The following INVS variants were observed in gnomAD, a reference collection of about 807,000 sequenced individuals.
The protein encoded by INVS is inversion of embryo turning homolog.
A neutral mutation model predicts 108.8 loss-of-function variants in INVS; 86 were observed. The observed-to-expected ratio is 0.79, with a 90% CI of 0.66 to 0.95. INVS has a LOEUF of 0.95. INVS is among the 40% of genes least tolerant of loss of function. INVS has a pLI of 0.00. For missense variants in INVS, 1,169 were observed against 1,297.4 expected (o/e 0.90, Z 1.52); for synonymous variants, 455 against 473.5 (o/e 0.96, Z 0.51).
At chr9:100,174,568 G>T (rs1829648870) in intron 3 of INVS, among the ~76,000 whole-genome samples, 2 of 152,084 alleles carry the variant, frequency 1.3e-5, no homozygotes, top group South Asian at 4.1e-4. Context: ...CTTGGTGAAA[G>T]ACATACATTT....
chr9:100,116,936 A>C, intron 2 of INVS: 1 of 1,508,868 alleles, frequency 6.6e-7, no homozygotes. Context: ...GAAGTTGCCC[A>C]GGGTGGCATT....
chr9:100,214,619 G>T (rs1830931371), intron 3 of INVS, among the ~76,000 whole-genome samples: 1 of 152,204 alleles, frequency 6.6e-6, no homozygotes, highest in African/African-American at 2.4e-5. Flanking sequence ...ATAAGGTTGT[G>T]CCAGTCCCTT....
intron 3 of INVS, chr9:100,175,898 G>A: frequency 1.7e-6 from 1 of 595,546 alleles, no homozygotes; most frequent in Non-Finnish European, 3.2e-6. Context: ...CCTGCATGCG[G>A]TTCCAGCAAA....
chr9:100,278,156 G>A (rs1726682657), intron 12 of INVS, among the ~76,000 whole-genome samples: 1 of 150,318 alleles, frequency 6.7e-6, no homozygotes, highest in African/African-American at 2.5e-5. Flanking sequence ...ACTTGAGCCA[G>A]GGAGGTTAAG....
intron 3 of INVS, among the ~76,000 whole-genome samples, chr9:100,165,572 G>T (rs1012783181): frequency 3.6e-4 from 54 of 152,058 alleles, no homozygotes; most frequent in African/African-American, 1.3e-3. Context: ...TAATGAATTG[G>T]TTTCCTGGCA....
chr9:100,239,320 T>A (rs1831791377), intron 5 of INVS, among the ~76,000 whole-genome samples: 1 of 152,186 alleles, frequency 6.6e-6, no homozygotes, highest in Admixed American at 6.5e-5. Context: ...AACATAGATA[T>A]CCAAGGTATA....
At chr9:100,247,037 C>G (rs1832068174) in intron 8 of INVS, among the ~76,000 whole-genome samples, 1 of 151,544 alleles carries the variant, frequency 6.6e-6, no homozygotes, top group Non-Finnish European at 1.5e-5. Flanking sequence ...ACCCTGGTTG[C>G]TCCTTAGACA....
At chr9:100,158,323 A>G (rs1331442638) in intron 3 of INVS, among the ~76,000 whole-genome samples, 2 of 152,214 alleles carry the variant, frequency 1.3e-5, no homozygotes, top group Non-Finnish European at 1.5e-5. Flanking sequence ...AGAAAAAAAT[A>G]TATTTTCATT....
Position 100,246,674 on chromosome 9 carries a change from G to C in INVS, c.965G>C (p.Gly322Ala), listed in dbSNP as rs1220343424. 6.2e-7 allele frequency: 1 copy of C among 1,613,888 alleles called. No individual in the cohort carries two copies. Reference sequence around the variant, plus strand: ...GTGAAAGATGATTCAGACCTGGAAGGAAGAACATCCTTTATGTGGGCAGCT... The same window carrying C: ...GTGAAAGATGATTCAGACCTGGAAGCAAGAACATCCTTTATGTGGGCAGCT... The part of the protein sequence containing the change: ...PSVKDDSDLE[G>A]RTSFMWAAGK... The change falls in exon 8 of 17, where the codon GGA (glycine) becomes GCA (alanine). Residue 322 changes from glycine to alanine, a missense_variant. By Grantham distance (60) the Gly-to-Ala change is moderately conservative. Around this residue, in one of 3 missense-constraint regions of INVS, gnomAD observed 365 missense variants for 397.5 expected, o/e 0.92. Coordinates refer to ENST00000262457, the MANE Select transcript of INVS (RefSeq NM_014425.5).
chr9:100,301,929 T>A lies in INVS; in HGVS notation c.*1255T>A, dbSNP rs1332275015. 2 of 300,736 alleles carry A rather than the reference T, an allele frequency of 6.7e-6. No homozygotes were observed. Among genetic ancestry groups the A allele is most frequent in the African/African-American group, 4.3e-5 (2 of 46,956 alleles). The allele number at this position is 300,736 out of a possible 1,614,324, so 18.6% of individuals were successfully genotyped here. On this transcript the variant is annotated 3_prime_UTR_variant, in exon 17 of 17. Coordinates refer to ENST00000262457, the MANE Select transcript of INVS (RefSeq NM_014425.5). ...AACAGAAGGTACCACAGTATCACTCTCTATTTTGTAAATATTTAGCTCCTA... is the reference window on the plus strand; with the variant it reads ...AACAGAAGGTACCACAGTATCACTCACTATTTTGTAAATATTTAGCTCCTA...
chr9:100,264,944 CTTTT>C lies in INVS; in HGVS notation c.1571+29_1571+32del, dbSNP rs746060368. 7.0e-5 allele frequency: 87 copies of C among 1,241,182 alleles called. No homozygotes were observed. The highest frequency in any genetic ancestry group is 7.8e-5 in the Non-Finnish European group (69 of 881,292). The allele number at this position is 1,241,182 out of a possible 1,614,324, so 76.9% of individuals were successfully genotyped here. On this transcript the variant is annotated intron_variant, in intron 11 of 16. Coordinates refer to ENST00000262457, the MANE Select transcript of INVS (RefSeq NM_014425.5). ...ATGAAGAGAGGTAAGTTGTTGTTGA[CTTTT>C]TTTTTTTTTTTTGAGATGGCTTCTC... is the stretch of plus-strand genomic sequence containing the variant.
intron 2 of INVS, among the ~76,000 whole-genome samples, chr9:100,112,771 C>T (rs1387195344): frequency 1.3e-5 from 2 of 152,094 alleles, no homozygotes; most frequent in Non-Finnish European, 2.9e-5. Context: ...ATGTGGCCCA[C>T]AGGCCACAGG....
chr9:100,129,879 G>T (rs1828006919), intron 3 of INVS: 1 of 452,938 alleles, frequency 2.2e-6, no homozygotes, highest in South Asian at 6.5e-5. Context: ...GATAATAGTG[G>T]CTGGAACTTG....
intron 10 of INVS, among the ~76,000 whole-genome samples, chr9:100,262,750 T>C (rs1216029675): frequency 3.9e-5 from 6 of 151,992 alleles, no homozygotes; most frequent in Non-Finnish European, 8.8e-5. Context: ...TGCTTGTTTG[T>C]TTGTTTGTTT....
rs779794381 is a variant in INVS, at chr9:100,301,178, C to CACAT, written c.*505_*506insCATA. On this transcript the variant is annotated 3_prime_UTR_variant, in exon 17 of 17. Coordinates refer to ENST00000262457, the MANE Select transcript of INVS (RefSeq NM_014425.5). ...ACACACACACACACACACACACACA[C>CACAT]ATATCACGTCCCACTATTACTTCAA... 4.1e-5 allele frequency among the ~76,000 whole-genome samples: 2 copies of CACAT among 49,118 alleles called. No individual in the cohort carries two copies. The highest frequency in any genetic ancestry group is 6.6e-5 in the Non-Finnish European group (2 of 30,414). 32.2% of individuals were successfully genotyped at this position (49,118 alleles called of 152,430 possible). A position where few individuals can be genotyped will look rare whatever the true frequency, so the allele number is the denominator to read the frequency against.
intron 3 of INVS, among the ~76,000 whole-genome samples, chr9:100,163,658 A>G (rs1178959327): frequency 6.6e-6 from 1 of 152,040 alleles, no homozygotes; most frequent in East Asian, 1.9e-4. Flanking sequence ...GCAAATATAA[A>G]TAGGGTGATC....
At chr9:100,111,074 G>A (rs1827324806) in intron 2 of INVS, among the ~76,000 whole-genome samples, 1 of 152,188 alleles carries the variant, frequency 6.6e-6, no homozygotes, top group African/African-American at 2.4e-5. Flanking sequence ...ATAACAATAA[G>A]CAGAGATTTT....
chr9:100,226,663 A>C (rs926897885), intron 4 of INVS, among the ~76,000 whole-genome samples: 1 of 152,020 alleles, frequency 6.6e-6, no homozygotes. Flanking sequence ...AACTACAAAA[A>C]TTAGCCGGGC....
Position 100,126,386 on chromosome 9 carries a change from ACT to A in INVS, c.113_114del (p.Ser38CysfsTer3), listed in dbSNP as rs1473591065. The stretch of plus-strand genomic sequence containing the variant: ...TATCTGTTTCTTATCCTTATAGGAA[ACT>A]CTGCTCTTAAAGACAAAGAAGATCA... On this transcript the variant is annotated frameshift_variant, in exon 3 of 17. Coordinates refer to ENST00000262457, the MANE Select transcript of INVS (RefSeq NM_014425.5). LOFTEE classifies it high-confidence loss of function. 2 of 1,611,996 alleles carry A rather than the reference ACT, an allele frequency of 1.2e-6. No homozygotes were observed. Among genetic ancestry groups the A allele is most frequent in the African/African-American group, 1.3e-5 (1 of 74,968 alleles).
Sources: allele counts gnomAD v4.1 joint callset (sites outside exome capture counted in the v4.1 genomes callset), GRCh38; gene constraint gnomAD v4.1.1; regional missense constraint gnomAD v4.1.1; transcripts MANE v1.5; gene names NCBI Gene and HGNC (gene_info 2026-07-23, HGNC 2026-07-21).